CCDC102B: variants seen among roughly 807,000 people sequenced by gnomAD.
The protein encoded by CCDC102B is coiled-coil domain containing 102B, also known as coiled-coil domain-containing protein 102B.
A neutral mutation model predicts 57.4 loss-of-function variants in CCDC102B; 75 were observed. The observed-to-expected ratio is 1.31, with a 90% CI of 1.08 to 1.58. CCDC102B has a LOEUF of 1.58. CCDC102B is among the 40% of genes most tolerant of loss of function. The pLI is 0.00. For synonymous variants in CCDC102B, 206 were observed against 201.9 expected (o/e 1.02, Z -0.17); for missense variants, 636 against 582.6 (o/e 1.09, Z -0.94).
chr18:68,837,685 G>T (rs1296864696), intron 2 of CCDC102B, among the ~76,000 whole-genome samples: 2 of 152,024 alleles, frequency 1.3e-5, no homozygotes, highest in Non-Finnish European at 2.9e-5. Flanking sequence ...AGGTCTTCTT[G>T]TAAGGGCACC....
At chr18:68,742,208 G>A (rs757546309) in intron 2 of CCDC102B, among the ~76,000 whole-genome samples, 1 of 152,150 alleles carries the variant, frequency 6.6e-6, no homozygotes, top group Non-Finnish European at 1.5e-5. Context: ...TCTGGTGATG[G>A]CTGGCAGTTC....
At chr18:68,947,091 T>C (rs143515088) in intron 6 of CCDC102B, among the ~76,000 whole-genome samples, 3,189 of 152,112 alleles carry the variant, frequency 0.021, 53 homozygotes, top group Non-Finnish European at 0.03. Context: ...TTTAAAACAA[T>C]TTTAATTAAA....
At chr18:68,863,189 TA>T in intron 4 of CCDC102B, among the ~76,000 whole-genome samples, 1 of 151,454 alleles carries the variant, frequency 6.6e-6, no homozygotes, top group East Asian at 1.9e-4. Context: ...TATATATATA[TA>T]TATTTATATC....
chr18:68,797,278 A>G (rs1350334748), upstream of CCDC102B, among the ~76,000 whole-genome samples: 1 of 152,162 alleles, frequency 6.6e-6, no homozygotes, highest in Non-Finnish European at 1.5e-5. Context: ...GAAGACATTT[A>G]TTGCCTAAAT....
At chr18:68,884,712 A>C (rs2039819160) in intron 5 of CCDC102B, among the ~76,000 whole-genome samples, 1 of 149,454 alleles carries the variant, frequency 6.7e-6, no homozygotes, top group South Asian at 2.1e-4. Flanking sequence ...CCATTTCATC[A>C]CATTATATAT....
intron 1 of CCDC102B, among the ~76,000 whole-genome samples, chr18:68,802,785 C>T (rs976419502): frequency 1.1e-4 from 16 of 152,142 alleles, no homozygotes; most frequent in Admixed American, 7.9e-4. Flanking sequence ...TTATCCAAAA[C>T]GATATCAGAA....
At chr18:69,032,627 T>C (rs2052178993) in intron 7 of CCDC102B, among the ~76,000 whole-genome samples, 1 of 152,164 alleles carries the variant, frequency 6.6e-6, no homozygotes, top group Non-Finnish European at 1.5e-5. Flanking sequence ...TTGGATAACA[T>C]TGGATAAATG....
At chr18:69,053,729 T>C (rs1031369862) in intron 7 of CCDC102B, among the ~76,000 whole-genome samples, 1 of 151,890 alleles carries the variant, frequency 6.6e-6, no homozygotes, top group African/African-American at 2.4e-5. Context: ...AAGCTGTGTC[T>C]TATATAGAAT....
At chr18:68,782,559 A>T (rs1432745267) in intron 2 of CCDC102B, among the ~76,000 whole-genome samples, 2 of 152,142 alleles carry the variant, frequency 1.3e-5, no homozygotes, top group Non-Finnish European at 2.9e-5. Flanking sequence ...CTGCTTTGAC[A>T]TCAGAGTTAT....
At chr18:68,878,645 G>T (rs1212183430) in intron 5 of CCDC102B, among the ~76,000 whole-genome samples, 2 of 152,084 alleles carry the variant, frequency 1.3e-5, no homozygotes, top group Non-Finnish European at 2.9e-5. Flanking sequence ...CAGAAAGCAG[G>T]TCCGCACCAG....
At chr18:68,933,987 CA>C (rs2041764870) in intron 6 of CCDC102B, among the ~76,000 whole-genome samples, 1 of 151,750 alleles carries the variant, frequency 6.6e-6, no homozygotes, top group Non-Finnish European at 1.5e-5. Flanking sequence ...TTAAATGAGA[CA>C]GTAAATGCTT....
chr18:68,757,022 A>T (rs1263541803), intron 2 of CCDC102B, among the ~76,000 whole-genome samples: 1 of 152,064 alleles, frequency 6.6e-6, no homozygotes, highest in Non-Finnish European at 1.5e-5. Context: ...TTACCTCCTT[A>T]AAGTGTCATT....
At chr18:68,760,264 A>G (rs2034209424) in intron 2 of CCDC102B, among the ~76,000 whole-genome samples, 1 of 152,092 alleles carries the variant, frequency 6.6e-6, no homozygotes, top group Admixed American at 6.6e-5. Context: ...AAAATACATA[A>G]GTAAGGTTAG....
At chr18:69,038,041 G>A (rs1040334210) in intron 7 of CCDC102B, among the ~76,000 whole-genome samples, 10 of 151,904 alleles carry the variant, frequency 6.6e-5, no homozygotes, top group Non-Finnish European at 8.8e-5. Flanking sequence ...ATATCAGAAT[G>A]TTTAAGCAAC....
chr18:68,944,953 C>T (rs1468877740), intron 6 of CCDC102B, among the ~76,000 whole-genome samples: 1 of 151,880 alleles, frequency 6.6e-6, no homozygotes, highest in Non-Finnish European at 1.5e-5. Flanking sequence ...CCAGTTTCAC[C>T]AAATGTCTCT....
chr18:68,724,403 A>G (rs1027666815), intron 2 of CCDC102B, among the ~76,000 whole-genome samples: 1 of 152,128 alleles, frequency 6.6e-6, no homozygotes, highest in African/African-American at 2.4e-5. Context: ...TTTCTATCCT[A>G]TCGTCAGGCT....
intron 6 of CCDC102B, among the ~76,000 whole-genome samples, chr18:68,965,256 T>G (rs1173766746): frequency 6.6e-6 from 1 of 151,980 alleles, no homozygotes; most frequent in Non-Finnish European, 1.5e-5. Flanking sequence ...TCAGTCTCTT[T>G]TTTCCTGGAT....
intron 7 of CCDC102B, among the ~76,000 whole-genome samples, chr18:69,043,204 C>A (rs566991003): frequency 6.6e-6 from 1 of 152,256 alleles, no homozygotes; most frequent in East Asian, 1.9e-4. Flanking sequence ...CTTTACAAAG[C>A]AGTATTGCTG....
chr18:68,814,575 T>A (rs1451242566), intron 1 of CCDC102B, among the ~76,000 whole-genome samples: 2 of 152,140 alleles, frequency 1.3e-5, no homozygotes, highest in African/African-American at 2.4e-5. Flanking sequence ...AAATTAAAGA[T>A]TAAAATATAG....
Sources: allele counts gnomAD v4.1 joint callset (sites outside exome capture counted in the v4.1 genomes callset), GRCh38; gene constraint gnomAD v4.1.1; transcripts MANE v1.5; gene names NCBI Gene and HGNC (gene_info 2026-07-23, HGNC 2026-07-21).